The following ATG4B variants were observed in gnomAD, a reference collection of about 807,000 sequenced individuals.
The protein encoded by ATG4B is cysteine protease ATG4B.
Under a neutral mutation model 56.6 loss-of-function variants are expected in ATG4B, and 29 were observed. The observed-to-expected ratio is 0.51, with a 90% CI of 0.38 to 0.70. The LOEUF (loss-of-function observed/expected upper bound fraction) is 0.70, where lower values mean the gene tolerates loss of function less well. Among genes scored for constraint, ATG4B ranks in the 30% least tolerant of loss-of-function variants. ATG4B has a pLI of 0.00. For synonymous variants in ATG4B, 224 were observed against 206.1 expected, an observed-to-expected ratio of 1.09 and a Z score of -0.74; for missense variants, 461 against 515.5, an observed-to-expected ratio of 0.89 and a Z score of 1.02.
At chr2:241,640,860 C>T (rs867306442) in intron 1 of ATG4B, among the ~76,000 whole-genome samples, 3 of 152,112 alleles carry the variant, frequency 2.0e-5, no homozygotes, top group Non-Finnish European at 4.4e-5. Flanking sequence ...GCCTTGCCAG[C>T]TCATAGTGAG....
intron 6 of ATG4B, among the ~76,000 whole-genome samples, chr2:241,657,755 C>T (rs1416889054): frequency 6.6e-6 from 1 of 152,200 alleles, no homozygotes; most frequent in Non-Finnish European, 1.5e-5. Context: ...GTTGATCTTC[C>T]TTCTCTCTTT....
At chr2:241,656,581 C>T (rs2068411801) in intron 6 of ATG4B, among the ~76,000 whole-genome samples, 1 of 152,264 alleles carries the variant, frequency 6.6e-6, no homozygotes, top group Non-Finnish European at 1.5e-5. Context: ...CACCAGCCCC[C>T]GCCCCTGTTG....
At chr2:241,655,674 C>T (rs755439860) in intron 6 of ATG4B, among the ~76,000 whole-genome samples, 18 of 152,176 alleles carry the variant, frequency 1.2e-4, no homozygotes, top group Admixed American at 2.0e-4. Context: ...GCCCTTCCAC[C>T]TCTGCAGGCT....
At position 241,668,711 on chromosome 2, in the gene ATG4B, A is replaced by G. The variant is rs1483518673; in HGVS notation, c.957+26A>G. 1.3e-6 allele frequency: 2 copies of G among 1,554,212 alleles called. No individual in the cohort carries two copies. Among genetic ancestry groups the G allele is most frequent in the Admixed American group, 2.0e-5 (1 of 50,568 alleles). On this transcript the variant is annotated intron_variant, in intron 10 of 12. Transcript: ENST00000404914. The surrounding 1 kb of genome is among the most constrained non-coding windows in gnomAD (Gnocchi z 4.2). ...GTACGTGGCGGCCACCTGAGCACAC[A>G]GGCATTTGGTGCTGAATGCTGTTTG...
At chr2:241,667,819 C>T in intron 8 of ATG4B, 1 of 306,778 alleles carries the variant, frequency 3.3e-6, no homozygotes. Context: ...ATCGCTTCTG[C>T]CCTGTCAGGT....
At chr2:241,646,218 C>T (rs1465469821) in intron 1 of ATG4B, among the ~76,000 whole-genome samples, 2 of 152,178 alleles carry the variant, frequency 1.3e-5, no homozygotes, top group African/African-American at 2.4e-5. Context: ...TTACTGCGTC[C>T]GTGATGAAAA....
intron 1 of ATG4B, among the ~76,000 whole-genome samples, chr2:241,643,364 A>AT (rs71049595): frequency 0.023 from 2,567 of 109,742 alleles, 40 homozygotes; most frequent in South Asian, 0.052. Context: ...ACGCCTAGCT[A>AT]TTTTTTTTTT....
intron 1 of ATG4B, chr2:241,638,283 G>C (rs955779982): frequency 6.6e-6 from 1 of 152,252 alleles, no homozygotes; most frequent in Admixed American, 6.5e-5. Flanking sequence ...TCTCCAAGCT[G>C]CTTTTCCGTG....
chr2:241,667,976 C>T, intron 8 of ATG4B, 167 bp from the exon 9 acceptor site: 1 of 614,254 alleles, frequency 1.6e-6, no homozygotes, highest in Non-Finnish European at 2.8e-6. Context: ...TGTGGGATGT[C>T]CTGTGGTCTT....
rs965181411 is a variant in ATG4B, at chr2:241,651,194, G to A, written c.113-70G>A. The A allele has an allele frequency of 7.1e-6, 11 of 1,556,728 alleles. No homozygotes were observed. The highest frequency in any genetic ancestry group is 1.2e-5 in the South Asian group (1 of 85,702). On this transcript the variant is annotated intron_variant, in intron 2 of 12. Transcript: ENST00000404914. This position sits in a 1 kb window ranked among gnomAD's most constrained non-coding sequence, Gnocchi z 4.1. The stretch of plus-strand genomic sequence containing the variant: ...GTGATCACTGTTCTCTGCTAACTCT[G>A]CCATAACTTGTGACTTGCAAACTTA...
At chr2:241,653,285 C>A in intron 3 of ATG4B, 1 of 1,498,602 alleles carries the variant, frequency 6.7e-7, no homozygotes, top group South Asian at 1.2e-5. Context: ...CTGACTTGTT[C>A]ATGTGTTTTG....
In ATG4B at chr2:241,672,326, A is replaced by G. The variant is rs1322836385; in HGVS notation, c.*62A>G. On this transcript the variant is annotated 3_prime_UTR_variant, in exon 13 of 13. Coordinates refer to ENST00000404914, the MANE Select transcript of ATG4B (RefSeq NM_013325.5). ...GGGGCTCCTGGTGCCGCTGCGTTTC[A>G]TCCATCCCGCCCGCTCGCCTGCCGA... 2 of 1,433,034 alleles carry G rather than the reference A, an allele frequency of 1.4e-6. No homozygotes were observed. The highest frequency in any genetic ancestry group is 5.0e-5 in the East Asian group (2 of 40,380). The allele number at this position is 1,433,034 out of a possible 1,614,324, so 88.8% of individuals were successfully genotyped here.
At chr2:241,645,301 G>A (rs1379538886) in intron 1 of ATG4B, among the ~76,000 whole-genome samples, 1 of 152,214 alleles carries the variant, frequency 6.6e-6, no homozygotes, top group Non-Finnish European at 1.5e-5. Flanking sequence ...CTTGGAGCCA[G>A]CCCGTGAGGC....
chr2:241,645,961 C>CGTG (rs1423922360), intron 1 of ATG4B, among the ~76,000 whole-genome samples: 49 of 152,274 alleles, frequency 3.2e-4, no homozygotes, highest in African/African-American at 1.1e-3. Flanking sequence ...GTGGCTGCGC[C>CGTG]ACTCCTGTTC....
intron 1 of ATG4B, among the ~76,000 whole-genome samples, chr2:241,646,139 C>T (rs913770050): frequency 6.6e-6 from 1 of 152,232 alleles, no homozygotes; most frequent in Non-Finnish European, 1.5e-5. Context: ...TTATTCCCTT[C>T]ACTCTGAAGT....
chr2:241,646,850 T>G (rs2068075892), intron 1 of ATG4B, among the ~76,000 whole-genome samples: 1 of 149,980 alleles, frequency 6.7e-6, no homozygotes, highest in Admixed American at 6.7e-5. Context: ...TGGCGCGATC[T>G]CAGGTCACTG....
rs560166608 is a variant in ATG4B at position 241,664,570 on chromosome 2, A to C, written c.539-2075A>C. Among the ~76,000 whole-genome samples the C allele has an allele frequency of 7.2e-5, 11 of 152,146 alleles. No homozygotes were observed. The South Asian group carries it at 2.3e-3, about 32-fold the overall frequency. On this transcript the variant is annotated intron_variant, in intron 7 of 12. Transcript: ENST00000404914. ...AAACAGAAACCCAAACAACTCCCTTAAGGCTGGGCGTGGTAGCTCCTACCC... is the reference window on the plus strand; with the variant it reads ...AAACAGAAACCCAAACAACTCCCTTCAGGCTGGGCGTGGTAGCTCCTACCC...
At chr2:241,643,692 TTTCCC>T (rs2067978043) in intron 1 of ATG4B, among the ~76,000 whole-genome samples, 1 of 91,176 alleles carries the variant, frequency 1.1e-5, no homozygotes, top group South Asian at 4.4e-4. Flanking sequence ...ATGTATATAT[TTTCCC>T]CCCCCCCCGT....
chr2:241,654,736 G>A (rs1196970498), intron 5 of ATG4B, 89 bp downstream of exon 5: 15 of 1,043,768 alleles, frequency 1.4e-5, no homozygotes, highest in South Asian at 1.4e-4. Context: ...TTCTGGTGTC[G>A]TGGGATGTGG....
Sources: gnomAD v4.1 joint callset for allele counts (sites outside exome capture counted in the v4.1 genomes callset) on GRCh38, gnomAD v4.1.1 for gene constraint, Gnocchi (gnomAD v3.1) non-coding constraint, MANE v1.5 for transcripts, NCBI Gene and HGNC (gene_info 2026-07-23, HGNC 2026-07-21) for gene names.